ADGRG3: variants seen among roughly 807,000 people sequenced by gnomAD.
ADGRG3 encodes the protein adhesion G protein-coupled receptor G3.
In ADGRG3, 39 loss-of-function variants were observed where a neutral mutation model predicts 54.3. That is an observed-to-expected ratio of 0.72 (90% CI 0.56 to 0.94). The LOEUF (loss-of-function observed/expected upper bound fraction) is 0.94, where lower values mean the gene tolerates loss of function less well. Among genes scored for constraint, ADGRG3 ranks in the 40% least tolerant of loss-of-function variants. The probability of loss-of-function intolerance (pLI) is 0.00; values close to 1 mark genes in which losing one functional copy is unlikely to be tolerated. For synonymous variants in ADGRG3, 312 were observed against 290.0 expected (o/e 1.08, Z -0.77); for missense variants, 654 against 694.6 (o/e 0.94, Z 0.66).
At position 57,683,785 on chromosome 16, in the gene ADGRG3, C is replaced by T. The variant is rs369330312; in HGVS notation, c.882-147C>T. The T allele has an allele frequency of 5.2e-5, 30 of 581,410 alleles. No individual in the cohort carries two copies. The Middle Eastern group carries it at 1.4e-3, about 26-fold the overall frequency. 36.0% of individuals were successfully genotyped at this position (581,410 alleles called of 1,614,324 possible). On this transcript the variant is annotated intron_variant, in intron 8 of 11. Coordinates refer to ENST00000333493, the MANE Select transcript of ADGRG3 (RefSeq NM_170776.5). ...CCTCAGGACACTCCCACTCTGGCTGCCGGCAGGGATGGAAGCTGGATGAGC... is the reference window on the plus strand; with the variant it reads ...CCTCAGGACACTCCCACTCTGGCTGTCGGCAGGGATGGAAGCTGGATGAGC...
chr16:57,675,296 G>C (rs2148700155), intron 2 of ADGRG3, among the ~76,000 whole-genome samples: 1 of 152,068 alleles, frequency 6.6e-6, no homozygotes, highest in South Asian at 2.1e-4. Flanking sequence ...CTGGGCAACA[G>C]AGTGAGACAC....
rs189917442 is a variant in ADGRG3 at position 57,670,327 on chromosome 16, T to C, written c.58+1922T>C. On this transcript the variant is annotated intron_variant, in intron 1 of 11. Transcript: ENST00000333493. Reference sequence around the variant, plus strand: ...ACACAGAAAAGATATTTAATGATCCTGTCTGTGTAGGGTGCTTGCCAAGAG... The same window carrying C: ...ACACAGAAAAGATATTTAATGATCCCGTCTGTGTAGGGTGCTTGCCAAGAG... Among the ~76,000 whole-genome samples the C allele has an allele frequency of 9.8e-5, 15 of 152,356 alleles. No individual in the cohort carries two copies. The East Asian group carries it at 2.9e-3, about 29-fold the overall frequency.
At chr16:57,678,338 A>G (rs373240069) in intron 4 of ADGRG3, 22 bp downstream of exon 4, 4 of 1,613,108 alleles carry the variant, frequency 2.5e-6, no homozygotes, top group Non-Finnish European at 2.5e-6. Context: ...GGGAAGCTCC[A>G]AGGTTAAGTG....
At chr16:57,684,274 C>A in intron 9 of ADGRG3, 62 bp downstream of exon 9, 1 of 1,583,112 alleles carries the variant, frequency 6.3e-7, no homozygotes, top group Non-Finnish European at 8.6e-7. Context: ...GGGAAATAGC[C>A]TTGGGGAGAG....
Position 57,668,353 on chromosome 16 carries a change from G to A in ADGRG3, c.6G>A (p.Ala2=), listed in dbSNP as rs749045100. 5.1e-6 allele frequency: 8 copies of A among 1,571,950 alleles called. No individual in the cohort carries two copies. Among genetic ancestry groups the A allele is most frequent in the African/African-American group, 4.0e-5 (3 of 74,678 alleles). Residue 2 remains alanine (A), a synonymous_variant, in exon 1 of 12, where the codon GCG becomes GCA. Coordinates refer to ENST00000333493, the MANE Select transcript of ADGRG3 (RefSeq NM_170776.5). Reference sequence around the variant, plus strand: ...GTGGGCAAGGCTGGCCAAGGATGGCGACGCCCAGGGGCCTGGGGGCCCTGC... The same window carrying A: ...GTGGGCAAGGCTGGCCAAGGATGGCAACGCCCAGGGGCCTGGGGGCCCTGC... M[A]TPRGLGALLL...
intron 11 of ADGRG3, 185 bp downstream of exon 11, chr16:57,686,111 G>T: frequency 1.6e-6 from 1 of 622,864 alleles, no homozygotes; most frequent in Non-Finnish European, 2.8e-6. Context: ...GTATTAGTCC[G>T]TTTGTGTTAC....
At chr16:57,670,607 A>G (rs1165912502) in intron 1 of ADGRG3, among the ~76,000 whole-genome samples, 2 of 151,940 alleles carry the variant, frequency 1.3e-5, no homozygotes, top group African/African-American at 4.8e-5. Flanking sequence ...AACATAGATC[A>G]TACTATATTC....
At chr16:57,682,729 G>T (rs2048396620) in intron 8 of ADGRG3, 1 of 728,678 alleles carries the variant, frequency 1.4e-6, no homozygotes, top group Non-Finnish European at 1.7e-6. Flanking sequence ...CAGAGTGGGG[G>T]CTCCAGAGAG....
chr16:57,679,786 T>C, intron 5 of ADGRG3, 30 bp from the exon 6 acceptor site: 2 of 1,600,942 alleles, frequency 1.2e-6, no homozygotes, highest in Non-Finnish European at 1.7e-6. Context: ...TCCCTTTTCC[T>C]CTCTCCTGAC....
At chr16:57,666,501 C>T (rs1473286023), upstream of ADGRG3, among the ~76,000 whole-genome samples, 4 of 152,238 alleles carry the variant, frequency 2.6e-5, no homozygotes, top group Non-Finnish European at 5.9e-5. Context: ...ATCCCTTTAG[C>T]TTGGGAAATG....
At chr16:57,672,843 G>A (rs1004983907) in intron 1 of ADGRG3, among the ~76,000 whole-genome samples, 5 of 152,132 alleles carry the variant, frequency 3.3e-5, no homozygotes, top group Admixed American at 1.3e-4. Flanking sequence ...GAGCCACCAC[G>A]CCCTGCCAAT....
chr16:57,680,393 G>A, intron 7 of ADGRG3, 28 bp downstream of exon 7: 1 of 1,595,710 alleles, frequency 6.3e-7, no homozygotes, highest in Non-Finnish European at 8.6e-7. Flanking sequence ...TCTGATCCCA[G>A]CCATCCCAGG....
intron 8 of ADGRG3, among the ~76,000 whole-genome samples, chr16:57,683,603 GC>G (rs1319620007): frequency 6.6e-6 from 1 of 152,068 alleles, no homozygotes; most frequent in Non-Finnish European, 1.5e-5. Flanking sequence ...TACTTATTCT[GC>G]CCTTTATCCA....
At chr16:57,683,284 C>T (rs1199081597) in intron 8 of ADGRG3, among the ~76,000 whole-genome samples, 5 of 152,208 alleles carry the variant, frequency 3.3e-5, no homozygotes, top group African/African-American at 1.2e-4. Context: ...AGGTGTGTTG[C>T]TCAGTTACTT....
chr16:57,670,048 G>A (rs17240918), intron 1 of ADGRG3, among the ~76,000 whole-genome samples: 13,875 of 152,262 alleles, frequency 0.091, 700 homozygotes, highest in South Asian at 0.13. Context: ...GGGAAATGGC[G>A]GTGGTTTGCT....
intron 4 of ADGRG3, chr16:57,678,709 A>C: frequency 3.1e-6 from 1 of 321,064 alleles, no homozygotes; most frequent in East Asian, 6.8e-5. Context: ...GCCCTTGCAC[A>C]TGTGTATACC....
chr16:57,679,799 C>A lies in ADGRG3; in HGVS notation c.628-17C>A, dbSNP rs2048330990. 6 of 1,610,354 alleles carry A rather than the reference C, an allele frequency of 3.7e-6. No individual in the cohort carries two copies. Among genetic ancestry groups the A allele is most frequent in the Non-Finnish European group, 5.1e-6 (6 of 1,176,872 alleles). On this transcript the variant is annotated splice_polypyrimidine_tract_variant and intron_variant, in intron 5 of 11. Transcript: ENST00000333493. ...CTTCCCTTTTCCTCTCTCCTGACTTCCACTCTTCGGTTTCAGAACATGACC... is the reference window on the plus strand; with the variant it reads ...CTTCCCTTTTCCTCTCTCCTGACTTACACTCTTCGGTTTCAGAACATGACC...
chr16:57,669,472 G>C (rs531746972), intron 1 of ADGRG3, among the ~76,000 whole-genome samples: 12 of 152,320 alleles, frequency 7.9e-5, no homozygotes, highest in Non-Finnish European at 1.6e-4. Flanking sequence ...TGGCAGCTGT[G>C]ACCAGGGCTC....
chr16:57,675,923 T>A (rs1233910855), intron 2 of ADGRG3, among the ~76,000 whole-genome samples: 1 of 152,182 alleles, frequency 6.6e-6, no homozygotes, highest in African/African-American at 2.4e-5. Context: ...TGCCATTGAA[T>A]TGGACACTTT....
Sources: gnomAD v4.1 joint callset for allele counts (sites outside exome capture counted in the v4.1 genomes callset) on GRCh38, gnomAD v4.1.1 for gene constraint, MANE v1.5 for transcripts, NCBI Gene and HGNC (gene_info 2026-07-23, HGNC 2026-07-21) for gene names.